Variants in SYCP1 observed in about 807,000 individuals in gnomAD.
The protein encoded by SYCP1 is cancer/testis antigen 8.
Under a neutral mutation model 153.1 loss-of-function variants are expected in SYCP1, and 64 were observed. The observed-to-expected ratio is 0.42, with a 90% CI of 0.34 to 0.51. The LOEUF is 0.51. SYCP1 is among the 20% of genes least tolerant of loss of function. The probability of loss-of-function intolerance (pLI) is 0.06; values close to 1 mark genes in which losing one functional copy is unlikely to be tolerated. For missense variants in SYCP1, 997 were observed against 1,049.0 expected, an observed-to-expected ratio of 0.95 and a Z score of 0.68; for synonymous variants, 384 against 341.8, an observed-to-expected ratio of 1.12 and a Z score of -1.36.
intron 18 of SYCP1, among the ~76,000 whole-genome samples, chr1:114,912,642 G>T (rs1050438966): frequency 6.6e-6 from 1 of 151,832 alleles, no homozygotes; most frequent in African/African-American, 2.4e-5. Context: ...CTAATGCTTC[G>T]TGTACTACTT....
At chr1:114,901,762 G>A (rs1178210799) in intron 16 of SYCP1, among the ~76,000 whole-genome samples, 1 of 152,054 alleles carries the variant, frequency 6.6e-6, no homozygotes, top group Non-Finnish European at 1.5e-5. Context: ...TAAAACTACA[G>A]AAAATATAAA....
chr1:114,871,638 T>G (rs915278450), intron 8 of SYCP1, among the ~76,000 whole-genome samples: 5 of 152,320 alleles, frequency 3.3e-5, no homozygotes, highest in Non-Finnish European at 5.9e-5. Context: ...AGTGGCATGA[T>G]CCTGGCTCAC....
chr1:114,857,669 A>G (rs1664101112), intron 5 of SYCP1, among the ~76,000 whole-genome samples, 172 bp downstream of exon 5: 1 of 152,016 alleles, frequency 6.6e-6, no homozygotes, highest in Non-Finnish European at 1.5e-5. Flanking sequence ...TGAAAGTTCC[A>G]TTTATGTAGA....
chr1:114,940,078 G>C (rs1437106265), intron 23 of SYCP1, among the ~76,000 whole-genome samples: 1 of 151,882 alleles, frequency 6.6e-6, no homozygotes, highest in African/African-American at 2.4e-5. Context: ...GTCACCAGGA[G>C]TTTGTCAATT....
rs1663828577 is a variant in SYCP1 at position 114,854,968 on chromosome 1, T to C, written c.-75T>C. 2 of 152,380 alleles carry C rather than the reference T, an allele frequency of 1.3e-5. No homozygotes were observed. The highest frequency in any genetic ancestry group is 2.9e-5 in the Non-Finnish European group (2 of 68,180). 9.4% of individuals were successfully genotyped at this position (152,380 alleles called of 1,614,324 possible). ...TTCTGTTGCCCTCATAGACCGTATG[T>C]AGCAGTTCGCGTGGGCACAGAACCC... On this transcript the variant is annotated 5_prime_UTR_variant, in exon 1 of 32. The change abolishes the stop of an existing upstream ORF in the 5' untranslated region. Coordinates refer to ENST00000369522, the MANE Select transcript of SYCP1 (RefSeq NM_003176.4).
At position 114,860,722 on chromosome 1, in the gene SYCP1, T is replaced by G. The variant is rs1156516178; in HGVS notation, c.525-14T>G. 4.4e-6 allele frequency: 7 copies of G among 1,585,392 alleles called. No homozygotes were observed. The South Asian group carries it at 4.7e-5, about 11-fold the overall frequency. ...ATCAGATTACACACAGGCAAACTCT[T>G]TCCTTTGTTTCAGGAATAATGCCAC... On this transcript the variant is annotated splice_polypyrimidine_tract_variant and intron_variant, in intron 7 of 31. Coordinates refer to ENST00000369522, the MANE Select transcript of SYCP1 (RefSeq NM_003176.4).
At chr1:114,862,979 A>T (rs1664480946) in intron 8 of SYCP1, 1 of 152,160 alleles carries the variant, frequency 6.6e-6, no homozygotes, top group African/African-American at 2.4e-5. Flanking sequence ...CTCTACTCTT[A>T]CAAGAGTGTA....
In SYCP1 at chr1:114,881,056, T is replaced by TATATATACACACAC. The variant is rs375436670; in HGVS notation, c.910+2855_910+2856insTATATACACACACA. The stretch of plus-strand genomic sequence containing the variant: ...TGAACAGTATTCCAATTTGTGTATA[T>TATATATACACACAC]ACACACACACACACACACACACACA... On this transcript the variant is annotated intron_variant, in intron 12 of 31. Transcript: ENST00000369522. 2.1e-3 allele frequency among the ~76,000 whole-genome samples: 306 copies of TATATATACACACAC among 145,036 alleles called. 3 individuals carry two copies. The highest frequency in any genetic ancestry group is 7.6e-3 in the African/African-American group (290 of 38,260).
At chr1:114,924,802 G>T (rs1669150015) in intron 21 of SYCP1, among the ~76,000 whole-genome samples, 1 of 151,896 alleles carries the variant, frequency 6.6e-6, no homozygotes, top group South Asian at 2.1e-4. Flanking sequence ...AAAAATGAGG[G>T]TGGATCATTT....
At chr1:114,902,667 T>TTA (rs1667547112) in intron 16 of SYCP1, among the ~76,000 whole-genome samples, 1 of 150,464 alleles carries the variant, frequency 6.6e-6, no homozygotes, top group Non-Finnish European at 1.5e-5. Context: ...GGCCGTCTCA[T>TTA]TATATATGAA....
At chr1:114,945,598 G>A (rs1025976652) in intron 25 of SYCP1, among the ~76,000 whole-genome samples, 1 of 151,340 alleles carries the variant, frequency 6.6e-6, no homozygotes, top group African/African-American at 2.4e-5. Flanking sequence ...TCATAGATTT[G>A]AACACATTTG....
At chr1:114,977,227 A>G (rs1465258684) in intron 27 of SYCP1, among the ~76,000 whole-genome samples, 1 of 151,716 alleles carries the variant, frequency 6.6e-6, no homozygotes, top group Non-Finnish European at 1.5e-5. Context: ...TTCACAGCTT[A>G]GTTACTTGTG....
At chr1:114,971,397 A>C (rs907075771) in intron 27 of SYCP1, among the ~76,000 whole-genome samples, 1 of 152,066 alleles carries the variant, frequency 6.6e-6, no homozygotes, top group African/African-American at 2.4e-5. Context: ...GAAAGTTGGC[A>C]TTGACAGGCC....
chr1:114,871,329 G>A (rs923960467), intron 8 of SYCP1, among the ~76,000 whole-genome samples: 13 of 151,592 alleles, frequency 8.6e-5, no homozygotes, highest in East Asian at 1.9e-4. Context: ...CACCAAGCCC[G>A]GCTAATTTTT....
intron 30 of SYCP1, among the ~76,000 whole-genome samples, chr1:114,991,155 C>T (rs2101985264): frequency 6.6e-6 from 1 of 151,920 alleles, no homozygotes; most frequent in South Asian, 2.1e-4. Flanking sequence ...AAGCTTGAAT[C>T]CAAATACACT....
At chr1:114,960,101 T>C (rs1671686183) in intron 27 of SYCP1, among the ~76,000 whole-genome samples, 1 of 152,006 alleles carries the variant, frequency 6.6e-6, no homozygotes, top group African/African-American at 2.4e-5. Flanking sequence ...TTTGGGTATA[T>C]ACCTAGCAGT....
intron 12 of SYCP1, among the ~76,000 whole-genome samples, chr1:114,881,096 T>C (rs865833837): frequency 2.8e-4 from 33 of 116,444 alleles, no homozygotes; most frequent in Middle Eastern, 3.9e-3. Context: ...CACACACACA[T>C]TTCTTTATCC....
intron 7 of SYCP1, among the ~76,000 whole-genome samples, chr1:114,860,503 A>G (rs1238853038): frequency 6.6e-6 from 1 of 152,144 alleles, no homozygotes; most frequent in African/African-American, 2.4e-5. Flanking sequence ...TTTAGTGGCC[A>G]GTTACTAGAA....
At chr1:114,924,299 G>C (rs534178203) in intron 21 of SYCP1, among the ~76,000 whole-genome samples, 1 of 152,140 alleles carries the variant, frequency 6.6e-6, no homozygotes, top group Non-Finnish European at 1.5e-5. Context: ...TTATTCCTGA[G>C]TCAATCACTG....
Sources: gnomAD v4.1 joint callset for allele counts (sites outside exome capture counted in the v4.1 genomes callset) on GRCh38, gnomAD v4.1.1 for gene constraint, MANE v1.5 for transcripts, NCBI Gene and HGNC (gene_info 2026-07-23, HGNC 2026-07-21) for gene names.